TP53BP1: variants seen among roughly 807,000 people sequenced by gnomAD.
The protein encoded by TP53BP1 is tumor protein p53 binding protein 1, also known as TP53-binding protein 1.
TP53BP1 carries 61 observed loss-of-function variants against 200.8 expected under a neutral mutation model. The observed-to-expected ratio is 0.30, with a 90% CI of 0.25 to 0.38. The LOEUF is 0.38. TP53BP1 is among the 10% of genes least tolerant of loss of function. TP53BP1 has a pLI of 1.00. For missense variants in TP53BP1, 2,144 were observed against 2,371.9 expected, an observed-to-expected ratio of 0.90 and a Z score of 2.00; for synonymous variants, 822 against 844.3, an observed-to-expected ratio of 0.97 and a Z score of 0.46.
rs7181783 is a variant in TP53BP1, at chr15:43,469,723, A to C, written c.1389+135T>G. On this transcript the variant is annotated intron_variant, in intron 11 of 27. Transcript: ENST00000382044. ...AACTGCTTTGTGACGACAGCTTCAC[A>C]ACTCTGTAAATTTACTAAAATATCA... The C allele has an allele frequency of 0.18, 134,286 of 764,546 alleles. 13,023 individuals are homozygous for C. The highest frequency in any genetic ancestry group is 0.26 in the Middle Eastern group (688 of 2,632). The allele number at this position is 764,546 out of a possible 1,614,324, so 47.4% of individuals were successfully genotyped here.
intron 27 of TP53BP1, 39 bp from the exon 28 acceptor site, chr15:43,407,609 T>G: frequency 1.3e-6 from 2 of 1,569,594 alleles, no homozygotes; most frequent in Non-Finnish European, 1.7e-6. Context: ...GAAAGGACAC[T>G]CAACTTAGCC....
intron 11 of TP53BP1, among the ~76,000 whole-genome samples, chr15:43,469,595 CTT>C (rs2046673308): frequency 1.3e-5 from 2 of 151,988 alleles, no homozygotes; most frequent in African/African-American, 4.8e-5. Context: ...ATTTATGTCA[CTT>C]CGCAATTTTG....
At chr15:43,415,370 A>G (rs994561973) in intron 23 of TP53BP1, 2 of 647,440 alleles carry the variant, frequency 3.1e-6, no homozygotes, top group South Asian at 1.6e-5. Flanking sequence ...CACCACACTC[A>G]GCTAATTCTG....
At chr15:43,458,321 AC>A (rs2046349001) in intron 11 of TP53BP1, among the ~76,000 whole-genome samples, 1 of 151,814 alleles carries the variant, frequency 6.6e-6, no homozygotes, top group Non-Finnish European at 1.5e-5. Context: ...AGTCCCAGCT[AC>A]TCACAAGGCT....
chr15:43,495,654 A>G (rs1015651392), upstream of TP53BP1, among the ~76,000 whole-genome samples: 2 of 151,826 alleles, frequency 1.3e-5, no homozygotes, highest in African/African-American at 2.4e-5. Context: ...GGTCTCTACT[A>G]AAAATACAAA....
intron 24 of TP53BP1, among the ~76,000 whole-genome samples, chr15:43,412,204 A>G (rs2045135240): frequency 6.6e-6 from 1 of 152,210 alleles, no homozygotes; most frequent in Non-Finnish European, 1.5e-5. Context: ...ACATGGCTGC[A>G]GTCGGTGAGA....
intron 16 of TP53BP1, among the ~76,000 whole-genome samples, chr15:43,433,243 C>G (rs567880866): frequency 6.6e-6 from 1 of 152,226 alleles, no homozygotes; most frequent in East Asian, 1.9e-4. Context: ...ATATCTACAA[C>G]TAAACATTTC....
chr15:43,473,046 G>A (rs1158483712), intron 10 of TP53BP1, among the ~76,000 whole-genome samples: 1 of 152,154 alleles, frequency 6.6e-6, no homozygotes, highest in Non-Finnish European at 1.5e-5. Flanking sequence ...GACCTTCGCG[G>A]TGAGTATTAC....
intron 1 of TP53BP1, among the ~76,000 whole-genome samples, chr15:43,509,915 A>G (rs1018268318): frequency 2.0e-5 from 3 of 152,166 alleles, no homozygotes; most frequent in African/African-American, 7.2e-5. Context: ...GGTGAAAGAT[A>G]GGCGCTCCCA....
intron 16 of TP53BP1, among the ~76,000 whole-genome samples, chr15:43,435,461 T>C (rs986533695): frequency 3.9e-5 from 6 of 151,946 alleles, no homozygotes; most frequent in African/African-American, 1.2e-4. Context: ...CACCTCTATT[T>C]TAAAACGCTT....
At chr15:43,471,348 A>T (rs1211425809) in intron 10 of TP53BP1, among the ~76,000 whole-genome samples, 1 of 152,168 alleles carries the variant, frequency 6.6e-6, no homozygotes, top group Non-Finnish European at 1.5e-5. Context: ...GTAGTATCAC[A>T]GGTGATTTTT....
At chr15:43,421,765 T>C (rs2045405338) in intron 19 of TP53BP1, 90 bp downstream of exon 19, 1 of 1,481,060 alleles carries the variant, frequency 6.8e-7, no homozygotes, top group Non-Finnish European at 9.2e-7. Flanking sequence ...GGATGGGGGA[T>C]TTCCCATTAC....
At chr15:43,415,037 G>C (rs1372406395) in intron 23 of TP53BP1, among the ~76,000 whole-genome samples, 1 of 152,158 alleles carries the variant, frequency 6.6e-6, no homozygotes, top group East Asian at 1.9e-4. Flanking sequence ...GAGAAAGCTA[G>C]AGGGCCTAAG....
At chr15:43,415,020 G>A (rs1308796744) in intron 23 of TP53BP1, among the ~76,000 whole-genome samples, 1 of 151,956 alleles carries the variant, frequency 6.6e-6, no homozygotes, top group African/African-American at 2.4e-5. Context: ...GTTTCAATAG[G>A]AAGTCTGAGA....
In TP53BP1 at chr15:43,407,579, A is replaced by G. The variant is rs750401815; in HGVS notation, c.5747-9T>C. On this transcript the variant is annotated splice_polypyrimidine_tract_variant and intron_variant, in intron 27 of 27. Coordinates refer to ENST00000382044, the MANE Select transcript of TP53BP1 (RefSeq NM_001141980.3). ...TACCCCTAAAGCAATATCTGCAAGGAGCAAGGGAAAGTGAAGAAGGAAAGG... is the reference window on the plus strand; with the variant it reads ...TACCCCTAAAGCAATATCTGCAAGGGGCAAGGGAAAGTGAAGAAGGAAAGG... 33 of 1,602,208 alleles carry G rather than the reference A, an allele frequency of 2.1e-5. No homozygotes were observed. Among genetic ancestry groups the G allele is most frequent in the Non-Finnish European group, 2.8e-5 (33 of 1,172,808 alleles).
intron 26 of TP53BP1, 89 bp downstream of exon 26, chr15:43,408,808 A>G: frequency 7.6e-7 from 1 of 1,320,982 alleles, no homozygotes; most frequent in Non-Finnish European, 1.1e-6. Flanking sequence ...CAATTTCTAG[A>G]AAGCTTTACT....
intron 27 of TP53BP1, 107 bp from the exon 28 acceptor site, chr15:43,407,677 A>C: frequency 9.0e-7 from 1 of 1,115,122 alleles, no homozygotes; most frequent in Non-Finnish European, 1.3e-6. Context: ...CACAAACCAA[A>C]GCCCTATTAT....
In TP53BP1 at chr15:43,456,062, A is replaced by G. The variant is rs1432223422; in HGVS notation, c.2546T>C (p.Leu849Ser). Reference sequence around the variant, plus strand: ...CTGCTGCAACTCCTGGTCAAGTCTTAAAGGATCATCTGCTCTCACTAAAGG... The same window carrying G: ...CTGCTGCAACTCCTGGTCAAGTCTTGAAGGATCATCTGCTCTCACTAAAGG... ...SLPLVRADDPLRLDQELQQPQ... is the reference protein window; with the variant it reads ...SLPLVRADDPSRLDQELQQPQ... The change falls in exon 12 of 28, where the codon TTA (leucine) becomes TCA (serine). Residue 849 changes from leucine (L) to serine (S), a missense_variant. By Grantham distance (145) the Leu-to-Ser change is moderately radical (BLOSUM62 -2). Transcript: ENST00000382044. The G allele has an allele frequency of 6.2e-7, 1 of 1,614,202 alleles. No individual in the cohort carries two copies. The highest frequency in any genetic ancestry group is 8.5e-7 in the Non-Finnish European group (1 of 1,180,032).
intron 4 of TP53BP1, 57 bp downstream of exon 4, chr15:43,491,612 A>C: frequency 7.8e-7 from 1 of 1,282,196 alleles, no homozygotes; most frequent in Non-Finnish European, 1.1e-6. Context: ...CAACAGGTAC[A>C]GATAAAAGAA....
Sources: gnomAD v4.1 joint callset for allele counts (sites outside exome capture counted in the v4.1 genomes callset) on GRCh38, gnomAD v4.1.1 for gene constraint, MANE v1.5 for transcripts, NCBI Gene and HGNC (gene_info 2026-07-23, HGNC 2026-07-21) for gene names.